The following NAA35 variants were observed in gnomAD, a reference collection of about 807,000 sequenced individuals.
NAA35 encodes the protein MAK10 homolog, amino-acid N-acetyltransferase subunit.
A neutral mutation model predicts 101.7 loss-of-function variants in NAA35; 18 were observed. The observed-to-expected ratio is 0.18, with a 90% CI of 0.12 to 0.26. The LOEUF is 0.26. Among genes scored for constraint, NAA35 ranks in the 10% least tolerant of loss-of-function variants. NAA35 has a pLI of 1.00. For missense variants in NAA35, 601 were observed against 886.8 expected (o/e 0.68, Z 4.09); for synonymous variants, 267 against 273.1 (o/e 0.98, Z 0.22).
At chr9:85,966,773 T>C (rs1052564803) in intron 6 of NAA35, 12 of 409,364 alleles carry the variant, frequency 2.9e-5, no homozygotes, top group Non-Finnish European at 4.6e-5. Flanking sequence ...AATACTGATA[T>C]CATTTAAACT....
At chr9:85,976,846 A>G (rs1280351542) in intron 9 of NAA35, 111 bp downstream of exon 9, 1 of 773,788 alleles carries the variant, frequency 1.3e-6, no homozygotes, top group African/African-American at 1.8e-5. Context: ...GTATTTCTTT[A>G]AAAATTGGAC....
At chr9:85,975,252 C>T (rs1278329432) in intron 8 of NAA35, 95 bp downstream of exon 8, 3 of 1,224,026 alleles carry the variant, frequency 2.5e-6, no homozygotes, top group African/African-American at 3.1e-5. Context: ...CACCTTTCTC[C>T]TGTATGTGCT....
At chr9:85,982,022 G>A (rs1035031898) in intron 11 of NAA35, among the ~76,000 whole-genome samples, 2 of 152,216 alleles carry the variant, frequency 1.3e-5, no homozygotes, top group Non-Finnish European at 2.9e-5. Context: ...AAGGGAGAAA[G>A]TAGGAATAAT....
At chr9:86,018,590 G>T in intron 20 of NAA35, 109 bp from the exon 21 acceptor site, 1 of 1,423,012 alleles carries the variant, frequency 7.0e-7, no homozygotes. Context: ...TTGCCCCAGT[G>T]TCTGTGTATG....
intron 6 of NAA35, among the ~76,000 whole-genome samples, chr9:85,972,108 C>T (rs772878210): frequency 2.0e-5 from 3 of 152,040 alleles, no homozygotes; most frequent in Non-Finnish European, 4.4e-5. Context: ...TGATGTTCTT[C>T]CAGAAAGTTT....
At chr9:85,979,468 A>T (rs1830345923) in intron 11 of NAA35, among the ~76,000 whole-genome samples, 1 of 152,224 alleles carries the variant, frequency 6.6e-6, no homozygotes, top group Non-Finnish European at 1.5e-5. Flanking sequence ...TGCCAGGGCA[A>T]ATATTTAGGC....
chr9:86,003,578 C>T lies in NAA35; in HGVS notation c.1057-7C>T. The stretch of plus-strand genomic sequence containing the variant: ...ATGACATTGCTTTTTCTTTATATAT[C>T]TGTTAGGATTTTTTCTGTGAATTTA... On this transcript the variant is annotated splice_region_variant and splice_polypyrimidine_tract_variant and intron_variant, in intron 12 of 22. Coordinates refer to ENST00000361671, the MANE Select transcript of NAA35 (RefSeq NM_024635.4). 6.4e-7 allele frequency: 1 copy of T among 1,568,164 alleles called. No individual in the cohort carries two copies. Among genetic ancestry groups the T allele is most frequent in the Non-Finnish European group, 8.7e-7 (1 of 1,146,278 alleles).
Position 85,978,319 on chromosome 9 carries a change from T to G in NAA35, c.815T>G (p.Leu272Arg). ...QKLMVQAADL[L>R]SAIHNSLHHG... ...TTGATGGTTCAAGCAGCAGATCTTC[T>G]TTCTGCCATTCATAATTCATTGCAT... The change falls in exon 11 of 23, where the codon CTT becomes CGT. Residue 272 changes from leucine to arginine, a missense_variant. Physicochemically the swap from Leu to Arg is moderately radical, Grantham distance 102. This residue lies in a region of NAA35 where 190 missense variants were observed against 223.1 expected (regional missense o/e 0.85). Coordinates refer to ENST00000361671, the MANE Select transcript of NAA35 (RefSeq NM_024635.4). The G allele has an allele frequency of 1.2e-6, 2 of 1,613,492 alleles. No individual in the cohort carries two copies. Among genetic ancestry groups the G allele is most frequent in the Non-Finnish European group, 1.7e-6 (2 of 1,179,536 alleles).
intron 1 of NAA35, chr9:85,941,748 C>T: frequency 1.0e-6 from 1 of 989,756 alleles, no homozygotes; most frequent in Middle Eastern, 5.2e-4. Flanking sequence ...GAAGGGCTAC[C>T]TTGATTGACT....
chr9:86,010,823 C>T (rs1043305018), intron 15 of NAA35, among the ~76,000 whole-genome samples: 3 of 151,136 alleles, frequency 2.0e-5, no homozygotes, highest in South Asian at 4.2e-4. Flanking sequence ...GTGATCCACC[C>T]GCCTTGGCCT....
intron 14 of NAA35, among the ~76,000 whole-genome samples, chr9:86,008,415 A>G (rs1831746679): frequency 6.6e-6 from 1 of 152,220 alleles, no homozygotes; most frequent in South Asian, 2.1e-4. Flanking sequence ...ATCTTTTGAA[A>G]GCAGAATTCA....
intron 11 of NAA35, among the ~76,000 whole-genome samples, chr9:85,994,921 G>T (rs540788841): frequency 2.6e-4 from 39 of 152,088 alleles, no homozygotes; most frequent in Non-Finnish European, 5.0e-4. Context: ...CGTTTGAAGT[G>T]ACAGATATCC....
intron 6 of NAA35, chr9:85,966,711 G>T: frequency 9.9e-7 from 1 of 1,009,542 alleles, no homozygotes; most frequent in Non-Finnish European, 1.4e-6. Context: ...GTATACATTA[G>T]CACAGCTGTC....
chr9:86,016,766 T>C, intron 18 of NAA35, 91 bp downstream of exon 18: 3 of 1,328,282 alleles, frequency 2.3e-6, no homozygotes, highest in Non-Finnish European at 1.0e-6. Flanking sequence ...TTGGTCATTA[T>C]ATTTTAGTTC....
intron 21 of NAA35, among the ~76,000 whole-genome samples, chr9:86,019,287 C>A (rs1046359129): frequency 6.6e-6 from 1 of 151,882 alleles, no homozygotes; most frequent in Admixed American, 6.6e-5. Flanking sequence ...GGTGAAATCC[C>A]ATTTGTACTA....
chr9:85,989,548 A>G (rs114065625), intron 11 of NAA35, among the ~76,000 whole-genome samples: 2,357 of 152,276 alleles, frequency 0.015, 68 homozygotes, highest in African/African-American at 0.052. Context: ...CACCCATTCC[A>G]AAGGTCTTTG....
At chr9:85,975,528 A>C (rs1178591211) in intron 8 of NAA35, among the ~76,000 whole-genome samples, 1 of 152,074 alleles carries the variant, frequency 6.6e-6, no homozygotes, top group Non-Finnish European at 1.5e-5. Flanking sequence ...TTAAATCATC[A>C]CTAGATTACT....
At chr9:86,021,459 G>A (rs1564332479) in intron 22 of NAA35, among the ~76,000 whole-genome samples, 1 of 152,190 alleles carries the variant, frequency 6.6e-6, no homozygotes, top group Admixed American at 6.5e-5. Flanking sequence ...GGGGGCATTT[G>A]CCTGTGTGTG....
intron 1 of NAA35, chr9:85,941,856 T>A (rs550136097): frequency 3.4e-5 from 37 of 1,087,044 alleles, no homozygotes; most frequent in Non-Finnish European, 4.1e-5. Context: ...GCTCTGGAGT[T>A]GTTCTTTTCG....
Sources: gnomAD v4.1 joint callset for allele counts (sites outside exome capture counted in the v4.1 genomes callset) on GRCh38, gnomAD v4.1.1 for gene constraint, gnomAD v4.1.1 regional missense constraint, MANE v1.5 for transcripts, NCBI Gene and HGNC (gene_info 2026-07-23, HGNC 2026-07-21) for gene names.